IL1RAPL2: variants seen among roughly 807,000 people sequenced by gnomAD.
IL1RAPL2 encodes X-linked interleukin-1 receptor accessory protein-like 2.
A neutral mutation model predicts 44.1 loss-of-function variants in IL1RAPL2; 3 were observed. That is an observed-to-expected ratio of 0.07 (90% confidence interval 0.03 to 0.18). IL1RAPL2 has a LOEUF of 0.18. IL1RAPL2 is among the 10% of genes least tolerant of loss of function. The pLI, the probability that IL1RAPL2 is intolerant of heterozygous loss-of-function variation, is 1.00. For synonymous variants in IL1RAPL2, 181 were observed against 178.8 expected (o/e 1.01, Z -0.10); for missense variants, 391 against 496.4 (o/e 0.79, Z 2.02).
At chrX:105,766,516 A>G (rs1183524900) in intron 10 of IL1RAPL2, among the ~76,000 whole-genome samples, 1 of 111,546 alleles carries the variant, frequency 9.0e-6, no homozygotes, top group Non-Finnish European at 1.9e-5. Context: ...TTTGTCAATT[A>G]CAATAAATAA....
intron 5 of IL1RAPL2, among the ~76,000 whole-genome samples, chrX:105,342,059 A>G (rs752401725): frequency 1.1e-4 from 12 of 107,882 alleles, no homozygotes; most frequent in African/African-American, 4.1e-4. Context: ...TATCGCAAGG[A>G]CAAAAAACCA....
At chrX:105,158,236 A>G (rs1318567664) in intron 2 of IL1RAPL2, among the ~76,000 whole-genome samples, 4 of 111,423 alleles carry the variant, frequency 3.6e-5, no homozygotes, top group African/African-American at 1.3e-4. Context: ...GGGCGCCTGT[A>G]GTCCCAGCTA....
intron 6 of IL1RAPL2, among the ~76,000 whole-genome samples, chrX:105,501,449 C>T (rs1261991994): frequency 9.0e-6 from 1 of 110,507 alleles, no homozygotes; most frequent in Non-Finnish European, 1.9e-5. Context: ...CATGGTGAAA[C>T]CCCCACTCTA....
chrX:105,679,132 A>AGAT (rs2037900352), intron 6 of IL1RAPL2, among the ~76,000 whole-genome samples: 1 of 110,669 alleles, frequency 9.0e-6, no homozygotes, highest in South Asian at 3.8e-4. Context: ...TCATAATGAA[A>AGAT]GATGCATGAA....
chrX:105,379,527 C>T (rs2035413869), intron 5 of IL1RAPL2, among the ~76,000 whole-genome samples: 1 of 111,631 alleles, frequency 9.0e-6, no homozygotes, highest in South Asian at 3.7e-4. Flanking sequence ...CTATCCCTTA[C>T]ATTTGTATAA....
Position 104,900,989 on chromosome X carries a change from A to G in IL1RAPL2, c.82+241994A>G, listed in dbSNP as rs186890181. 5.4e-5 allele frequency among the ~76,000 whole-genome samples: 6 copies of G among 111,133 alleles called. No individual in the cohort carries two copies. The East Asian group carries it at 1.7e-3, about 32-fold the overall frequency. ...TTGTATCATAAAGGGATATTTTTCT[A>G]GAGAACATGTTCTTACTATTCACCA... On this transcript the variant is annotated intron_variant, in intron 2 of 10. Coordinates refer to ENST00000372582, the MANE Select transcript of IL1RAPL2 (RefSeq NM_017416.2).
chrX:104,836,891 C>G (rs938547122), intron 2 of IL1RAPL2, among the ~76,000 whole-genome samples: 2 of 110,205 alleles, frequency 1.8e-5, no homozygotes, highest in East Asian at 5.7e-4. Flanking sequence ...CATCCTCTTA[C>G]CCCCTATCCC....
intron 5 of IL1RAPL2, among the ~76,000 whole-genome samples, chrX:105,465,994 C>T (rs2036126037): frequency 9.0e-6 from 1 of 111,401 alleles, no homozygotes; most frequent in Admixed American, 9.6e-5. Context: ...TATTGTTGCA[C>T]GTATATCTTC....
chrX:104,903,431 A>C (rs1923875706), intron 2 of IL1RAPL2, among the ~76,000 whole-genome samples: 1 of 109,341 alleles, frequency 9.1e-6, no homozygotes, highest in Non-Finnish European at 1.9e-5. Flanking sequence ...ACATCTAGAA[A>C]TGTAAACACC....
chrX:105,352,089 AT>A (rs2035160123), intron 5 of IL1RAPL2, among the ~76,000 whole-genome samples: 1 of 104,738 alleles, frequency 9.5e-6, no homozygotes, highest in African/African-American at 4.1e-5. Context: ...CATCCAGCTA[AT>A]TTAAAAAACA....
At chrX:105,005,525 C>T (rs2030926425) in intron 2 of IL1RAPL2, among the ~76,000 whole-genome samples, 1 of 111,294 alleles carries the variant, frequency 9.0e-6, no homozygotes, top group African/African-American at 3.3e-5. Flanking sequence ...AAGCACTGCT[C>T]CATTGCATTA....
At chrX:105,652,345 T>A (rs977348356) in intron 6 of IL1RAPL2, among the ~76,000 whole-genome samples, 7 of 111,657 alleles carry the variant, frequency 6.3e-5, no homozygotes, top group Non-Finnish European at 1.3e-4. Context: ...CTATTTTGAT[T>A]CCTCAGAATG....
intron 6 of IL1RAPL2, among the ~76,000 whole-genome samples, chrX:105,552,623 C>T (rs1418018368): frequency 2.7e-5 from 3 of 111,957 alleles, no homozygotes; most frequent in Non-Finnish European, 5.6e-5. Context: ...CTGTCTTCCT[C>T]CATCTGCTGG....
intron 6 of IL1RAPL2, among the ~76,000 whole-genome samples, chrX:105,624,207 AT>A (rs2037438662): frequency 9.0e-6 from 1 of 111,459 alleles, no homozygotes; most frequent in African/African-American, 3.3e-5. Flanking sequence ...AAGTTGGAAG[AT>A]TAGGCTGGAG....
chrX:105,655,906 A>G (rs2037674338), intron 6 of IL1RAPL2, among the ~76,000 whole-genome samples: 1 of 112,190 alleles, frequency 8.9e-6, no homozygotes, highest in African/African-American at 3.2e-5. Flanking sequence ...GCAATGTGAA[A>G]TAAGTACATC....
rs775306532 is a variant in IL1RAPL2, at chrX:104,584,482, T to C, written c.-20+17431T>C. ...TTTTTTTTTTAAGCTTAGTCCTGTGTGAACTGAATGACTAAAGGATCTCCT... is the reference window on the plus strand; with the variant it reads ...TTTTTTTTTTAAGCTTAGTCCTGTGCGAACTGAATGACTAAAGGATCTCCT... On this transcript the variant is annotated intron_variant, in intron 1 of 10. Transcript: ENST00000372582. Among the ~76,000 whole-genome samples the C allele has an allele frequency of 3.2e-4, 35 of 110,135 alleles. No homozygotes were observed. In the East Asian group the frequency reaches 3.7e-3, roughly 12 times the overall value.
chrX:105,755,840 TCTCA>T (rs947468229), intron 10 of IL1RAPL2, among the ~76,000 whole-genome samples: 7 of 112,017 alleles, frequency 6.2e-5, no homozygotes, highest in African/African-American at 2.3e-4. Context: ...GGTACAGCAC[TCTCA>T]CTGTGTACTT....
At chrX:105,371,388 C>A (rs2035339391) in intron 5 of IL1RAPL2, among the ~76,000 whole-genome samples, 1 of 111,280 alleles carries the variant, frequency 9.0e-6, no homozygotes, top group African/African-American at 3.3e-5. Context: ...AATCTTTAAT[C>A]CATCTCGAGT....
intron 5 of IL1RAPL2, among the ~76,000 whole-genome samples, chrX:105,395,943 AG>A (rs1014184916): frequency 8.9e-6 from 1 of 111,800 alleles, no homozygotes; most frequent in African/African-American, 3.2e-5. Flanking sequence ...CAAGTCCTCC[AG>A]GGGATTTTTT....
Sources: gnomAD v4.1 joint callset for allele counts (sites outside exome capture counted in the v4.1 genomes callset) on GRCh38, gnomAD v4.1.1 for gene constraint, MANE v1.5 for transcripts, NCBI Gene and HGNC (gene_info 2026-07-23, HGNC 2026-07-21) for gene names.